CADM2: variants seen among roughly 807,000 people sequenced by gnomAD.
The protein encoded by CADM2 is immunoglobulin superfamily member 4D.
Under a neutral mutation model 49.8 loss-of-function variants are expected in CADM2, and 12 were observed. The observed-to-expected ratio is 0.24, with a 90% confidence interval of 0.15 to 0.39. CADM2 has a LOEUF of 0.39. CADM2 is among the 10% of genes least tolerant of loss of function. CADM2 has a pLI of 1.00. For synonymous variants in CADM2, 214 were observed against 175.4 expected, an observed-to-expected ratio of 1.22 and a Z score of -1.74; for missense variants, 378 against 492.3, an observed-to-expected ratio of 0.77 and a Z score of 2.20.
chr3:85,747,553 G>T (rs578161576), intron 2 of CADM2, among the ~76,000 whole-genome samples: 1 of 152,182 alleles, frequency 6.6e-6, no homozygotes, highest in African/African-American at 2.4e-5. Context: ...GAGAGGCAGA[G>T]AATCAACCCA....
chr3:85,562,940 A>G (rs943916750), intron 1 of CADM2, among the ~76,000 whole-genome samples: 3 of 152,184 alleles, frequency 2.0e-5, no homozygotes, highest in Non-Finnish European at 4.4e-5. Flanking sequence ...AAGAAGGGAA[A>G]TCATGGCCTT....
At chr3:85,660,616 T>C (rs887895069) in intron 1 of CADM2, among the ~76,000 whole-genome samples, 1 of 152,072 alleles carries the variant, frequency 6.6e-6, no homozygotes, top group Non-Finnish European at 1.5e-5. Flanking sequence ...TCTTGTTTGA[T>C]TAGTGTTTTC....
intron 1 of CADM2, among the ~76,000 whole-genome samples, chr3:85,674,951 C>G (rs1009125842): frequency 2.0e-5 from 3 of 152,088 alleles, no homozygotes; most frequent in African/African-American, 7.2e-5. Flanking sequence ...CTTGACTTAG[C>G]TAAGTCATTC....
intron 1 of CADM2, among the ~76,000 whole-genome samples, chr3:84,977,498 T>G (rs1350760220): frequency 6.6e-6 from 1 of 152,054 alleles, no homozygotes; most frequent in African/African-American, 2.4e-5. Context: ...AGTTTCTAGT[T>G]GACTTTGTGA....
intron 8 of CADM2, among the ~76,000 whole-genome samples, chr3:86,051,348 C>T (rs149760783): frequency 4.5e-4 from 69 of 152,268 alleles, no homozygotes; most frequent in African/African-American, 1.6e-3. Flanking sequence ...AGTTCATTGT[C>T]CATATCACTA....
In CADM2 at chr3:85,779,707, G is replaced by T. The variant is rs545444618; in HGVS notation, c.89-22340G>T. The stretch of plus-strand genomic sequence containing the variant: ...ACAATTCAAGATGAGATTTGGGTGG[G>T]GACACAACCAAGCCATATCACCTAT... On this transcript the variant is annotated intron_variant, in intron 2 of 9. Transcript: ENST00000383699. 4.3e-4 allele frequency among the ~76,000 whole-genome samples: 65 copies of T among 152,126 alleles called. 1 individual carries two copies. The South Asian group carries it at 0.014, about 32-fold the overall frequency.
At chr3:85,010,811 A>T (rs1481598610) in intron 1 of CADM2, among the ~76,000 whole-genome samples, 1 of 147,568 alleles carries the variant, frequency 6.8e-6, no homozygotes, top group African/African-American at 2.6e-5. Context: ...ATATTCACCA[A>T]ACATTTTTCT....
chr3:85,100,988 G>A (rs1325699487), intron 1 of CADM2, among the ~76,000 whole-genome samples: 1 of 152,146 alleles, frequency 6.6e-6, no homozygotes, highest in Admixed American at 6.5e-5. Context: ...GCATGTGGTG[G>A]CTCACGACTG....
Position 85,153,232 on chromosome 3 carries a change from C to T in CADM2, c.61+193564C>T, listed in dbSNP as rs555975671. Among the ~76,000 whole-genome samples the T allele has an allele frequency of 2.6e-5, 4 of 152,156 alleles. No homozygotes were observed. The South Asian group carries it at 8.3e-4, about 32-fold the overall frequency. ...GGCGCAGGTCAGTGGGTGCGCGCAC[C>T]CTGCGCGAGCCGAAGCAGGGCGAGG... On this transcript the variant is annotated intron_variant, in intron 1 of 9. Coordinates refer to ENST00000383699, the MANE Select transcript of CADM2 (RefSeq NM_001167675.2).
chr3:85,357,719 G>A (rs948900538), intron 1 of CADM2, among the ~76,000 whole-genome samples: 1 of 152,070 alleles, frequency 6.6e-6, no homozygotes, highest in East Asian at 1.9e-4. Flanking sequence ...GGCCTGGAAG[G>A]TAAGATAGTG....
At chr3:85,409,677 G>C (rs1374544896) in intron 1 of CADM2, among the ~76,000 whole-genome samples, 1 of 152,094 alleles carries the variant, frequency 6.6e-6, no homozygotes, top group Non-Finnish European at 1.5e-5. Context: ...CAGGAGACCT[G>C]TTAGTAGACT....
intron 1 of CADM2, among the ~76,000 whole-genome samples, chr3:85,586,436 G>T (rs186384364): frequency 3.9e-5 from 6 of 152,076 alleles, no homozygotes; most frequent in African/African-American, 1.4e-4. Flanking sequence ...ATGAAAATGT[G>T]GATGAAACAA....
chr3:85,874,646 C>T (rs1009113236), intron 3 of CADM2, among the ~76,000 whole-genome samples: 2 of 152,132 alleles, frequency 1.3e-5, no homozygotes, highest in East Asian at 3.9e-4. Flanking sequence ...TTTTCTTGTT[C>T]TACGGATCCA....
intron 1 of CADM2, among the ~76,000 whole-genome samples, chr3:85,260,084 A>C (rs2042981503): frequency 6.6e-6 from 1 of 152,122 alleles, no homozygotes; most frequent in African/African-American, 2.4e-5. Context: ...GAAATAAATA[A>C]TGTTCTATTG....
chr3:85,331,128 C>T (rs750943419), intron 1 of CADM2, among the ~76,000 whole-genome samples: 2 of 151,928 alleles, frequency 1.3e-5, no homozygotes, highest in Non-Finnish European at 2.9e-5. Flanking sequence ...TTTATGTTAG[C>T]TTCATTCCAA....
At chr3:86,002,321 C>A (rs1243223394) in intron 8 of CADM2, among the ~76,000 whole-genome samples, 1 of 152,100 alleles carries the variant, frequency 6.6e-6, no homozygotes, top group Non-Finnish European at 1.5e-5. Context: ...AATTAACATG[C>A]AAGGTTATTA....
At chr3:85,283,410 A>G (rs1230228180) in intron 1 of CADM2, among the ~76,000 whole-genome samples, 1 of 151,818 alleles carries the variant, frequency 6.6e-6, no homozygotes, top group South Asian at 2.1e-4. Context: ...AGCTGTCATC[A>G]TTTAATTCTG....
chr3:86,019,191 T>A (rs1346615384), intron 8 of CADM2, among the ~76,000 whole-genome samples: 1 of 136,110 alleles, frequency 7.3e-6, no homozygotes, highest in African/African-American at 2.8e-5. Context: ...TAGTTGTAGA[T>A]ATGAGGCGTT....
At chr3:85,992,042 A>T (rs368203910) in intron 8 of CADM2, 2 of 151,850 alleles carry the variant, frequency 1.3e-5, no homozygotes, top group Non-Finnish European at 1.5e-5. Context: ...TTAAATTCCA[A>T]AAAGTTTTCG....
Sources: gnomAD v4.1 joint callset for allele counts (sites outside exome capture counted in the v4.1 genomes callset) on GRCh38, gnomAD v4.1.1 for gene constraint, MANE v1.5 for transcripts, NCBI Gene and HGNC (gene_info 2026-07-23, HGNC 2026-07-21) for gene names.